Variants in IMMP2L observed in about 807,000 individuals in gnomAD.
The protein encoded by IMMP2L is mitochondrial inner membrane protease subunit 2.
A neutral mutation model predicts 19.3 loss-of-function variants in IMMP2L; 18 were observed. That is an observed-to-expected ratio of 0.93 (90% confidence interval 0.64 to 1.38). IMMP2L has a LOEUF of 1.38. Ranked by LOEUF, IMMP2L falls within the 40% of genes most tolerant of loss-of-function variation. The pLI is 0.00. For missense variants in IMMP2L, 233 were observed against 218.2 expected (o/e 1.07, Z -0.43); for synonymous variants, 76 against 73.0 (o/e 1.04, Z -0.21).
intron 3 of IMMP2L, among the ~76,000 whole-genome samples, chr7:111,402,170 A>ATAATAT (rs1833485402): frequency 7.6e-6 from 1 of 131,858 alleles, no homozygotes; most frequent in Admixed American, 7.7e-5. Context: ...AATAATAATA[A>ATAATAT]TATTAAGTTA....
chr7:110,930,224 G>T (rs1169365916), intron 4 of IMMP2L, among the ~76,000 whole-genome samples: 2 of 152,146 alleles, frequency 1.3e-5, no homozygotes, highest in African/African-American at 4.8e-5. Flanking sequence ...TATTTGGAAA[G>T]ACAGTGATCC....
chr7:111,347,910 G>T (rs376479095), intron 3 of IMMP2L, among the ~76,000 whole-genome samples: 1 of 151,688 alleles, frequency 6.6e-6, no homozygotes, highest in East Asian at 1.9e-4. Flanking sequence ...ATCAAGACTG[G>T]ATTAAGAAAA....
chr7:110,903,244 T>C (rs564514789), intron 4 of IMMP2L, among the ~76,000 whole-genome samples: 56 of 152,334 alleles, frequency 3.7e-4, no homozygotes, highest in African/African-American at 1.1e-3. Context: ...GTAAATTTTA[T>C]TGTGGTAAAA....
At chr7:111,090,603 C>T (rs1170500543) in intron 3 of IMMP2L, among the ~76,000 whole-genome samples, 2 of 132,476 alleles carry the variant, frequency 1.5e-5, no homozygotes, top group Non-Finnish European at 3.2e-5. Context: ...CAAGAAATGT[C>T]ATTGCTAAAA....
In IMMP2L at chr7:111,124,026, T is replaced by C. The variant is rs1166107731; in HGVS notation, c.240-160461A>G. 5.0e-6 allele frequency: 8 copies of C among 1,614,086 alleles called. 1 individual carries two copies. The East Asian group carries it at 6.7e-5, about 13-fold the overall frequency. On this transcript the variant is annotated intron_variant, in intron 3 of 5. Transcript: ENST00000405709. Reference sequence around the variant, plus strand: ...TGCATTTCAGGGACATGATGGAAATTTGTCTCCCTCTTATAGCTCCTGAGA... The same window carrying C: ...TGCATTTCAGGGACATGATGGAAATCTGTCTCCCTCTTATAGCTCCTGAGA...
chr7:111,268,479 TTA>T (rs1198718661), intron 3 of IMMP2L, among the ~76,000 whole-genome samples: 1 of 143,830 alleles, frequency 7.0e-6, no homozygotes, highest in Non-Finnish European at 1.5e-5. Flanking sequence ...TTTTTGTCGT[TTA>T]TCTAATAAAA....
chr7:111,220,141 CA>C (rs1308239544), intron 3 of IMMP2L, among the ~76,000 whole-genome samples: 1 of 151,974 alleles, frequency 6.6e-6, no homozygotes, highest in Non-Finnish European at 1.5e-5. Flanking sequence ...TGTTAAAGAA[CA>C]AACCACTTAC....
chr7:111,549,864 T>C (rs1444562680), intron 1 of IMMP2L, among the ~76,000 whole-genome samples: 2 of 151,288 alleles, frequency 1.3e-5, no homozygotes, highest in Non-Finnish European at 2.9e-5. Context: ...TCACTTGAAC[T>C]TGGGAGGCAG....
At chr7:111,188,160 T>C (rs1682603847) in intron 3 of IMMP2L, among the ~76,000 whole-genome samples, 2 of 152,108 alleles carry the variant, frequency 1.3e-5, no homozygotes, top group South Asian at 2.1e-4. Flanking sequence ...TCTGTCACAG[T>C]GTGGCTTAAG....
chr7:111,278,191 T>TA (rs751824782), intron 3 of IMMP2L, among the ~76,000 whole-genome samples: 1 of 152,158 alleles, frequency 6.6e-6, no homozygotes, highest in South Asian at 2.1e-4. Flanking sequence ...CACATACATG[T>TA]AAAAAACTTG....
intron 3 of IMMP2L, among the ~76,000 whole-genome samples, chr7:111,231,746 G>C (rs78550349): frequency 0.043 from 6,502 of 152,040 alleles, 200 homozygotes; most frequent in South Asian, 0.082. Flanking sequence ...GTAACATAAA[G>C]TCAGAGAACT....
In IMMP2L at chr7:111,530,163, A is replaced by G. The variant is rs193000340; in HGVS notation, c.-2-8714T>C. Among the ~76,000 whole-genome samples the G allele has an allele frequency of 1.5e-3, 222 of 152,174 alleles. 1 individual carries two copies. Among genetic ancestry groups the G allele is most frequent in the African/African-American group, 5.0e-3 (207 of 41,498 alleles). ...AAATTACTTTATCTCAGTAAGCAAA[A>G]TTTTTCATCTGTGAAACCTTGCAGG... On this transcript the variant is annotated intron_variant, in intron 1 of 5. Coordinates refer to ENST00000405709, the MANE Select transcript of IMMP2L (RefSeq NM_032549.4).
intron 3 of IMMP2L, among the ~76,000 whole-genome samples, chr7:111,189,749 C>T (rs886488203): frequency 1.3e-5 from 2 of 152,080 alleles, no homozygotes; most frequent in African/African-American, 4.8e-5. Flanking sequence ...ACTGACTTAG[C>T]TTAAGGTGCT....
intron 3 of IMMP2L, among the ~76,000 whole-genome samples, chr7:111,332,201 C>T (rs1452208936): frequency 6.6e-6 from 1 of 151,542 alleles, no homozygotes; most frequent in African/African-American, 2.4e-5. Context: ...ATAAACACAT[C>T]ATCTAGACCA....
intron 5 of IMMP2L, among the ~76,000 whole-genome samples, chr7:110,707,154 C>G (rs370649559): frequency 2.7e-5 from 2 of 74,214 alleles, no homozygotes; most frequent in Admixed American, 1.4e-4. Flanking sequence ...ATCCCTCCCC[C>G]CTCCCCCGAC....
chr7:110,813,596 T>A (rs1360376741), intron 5 of IMMP2L, among the ~76,000 whole-genome samples: 2 of 151,916 alleles, frequency 1.3e-5, no homozygotes, highest in African/African-American at 4.8e-5. Flanking sequence ...CCTGGCCTAT[T>A]TTTTCTAACA....
intron 4 of IMMP2L, among the ~76,000 whole-genome samples, chr7:110,914,020 C>T (rs1585243991): frequency 6.6e-6 from 1 of 152,052 alleles, no homozygotes; most frequent in African/African-American, 2.4e-5. Context: ...ATTGTTTTGG[C>T]CCTCCAGAAA....
chr7:110,834,555 T>C (rs58974552), intron 5 of IMMP2L, among the ~76,000 whole-genome samples: 2,914 of 152,258 alleles, frequency 0.019, 90 homozygotes, highest in African/African-American at 0.066. Flanking sequence ...CTTCCAAGTA[T>C]ATAAGTATAA....
At chr7:110,771,265 A>T (rs1306853713) in intron 5 of IMMP2L, among the ~76,000 whole-genome samples, 1 of 152,098 alleles carries the variant, frequency 6.6e-6, no homozygotes, top group African/African-American at 2.4e-5. Context: ...GTCACACGTT[A>T]GTGTTGATGC....
Sources: allele counts gnomAD v4.1 joint callset (sites outside exome capture counted in the v4.1 genomes callset), GRCh38; gene constraint gnomAD v4.1.1; transcripts MANE v1.5; gene names NCBI Gene and HGNC (gene_info 2026-07-23, HGNC 2026-07-21).